The following MIR2052HG variants were observed in gnomAD, a reference collection of about 807,000 sequenced individuals.
MIR2052HG encodes MIR2052 host gene.
At chr8:74,754,710 AAGTT>A (rs113164489) in intron 5 of MIR2052HG, among the ~76,000 whole-genome samples, 15,137 of 151,720 alleles carry the variant, frequency 0.1, 1,652 homozygotes, top group African/African-American at 0.28. Context: ...GCACCCCTGA[AAGTT>A]AGACGCAAGG....
At chr8:74,643,075 C>T (rs1334000028) in intron 2 of MIR2052HG, among the ~76,000 whole-genome samples, 1 of 152,142 alleles carries the variant, frequency 6.6e-6, no homozygotes, top group Non-Finnish European at 1.5e-5. Flanking sequence ...CAGATAGACA[C>T]ATATGTCTGC....
At chr8:74,664,076 T>C (rs1808894342) in intron 2 of MIR2052HG, among the ~76,000 whole-genome samples, 3 of 151,558 alleles carry the variant, frequency 2.0e-5, no homozygotes, top group African/African-American at 7.3e-5. Context: ...AAGCTATGAG[T>C]AGGCAAAGGC....
At chr8:74,730,051 A>T (rs1230624889) in intron 4 of MIR2052HG, among the ~76,000 whole-genome samples, 2 of 152,190 alleles carry the variant, frequency 1.3e-5, no homozygotes, top group African/African-American at 4.8e-5. Flanking sequence ...ATAGATGAAG[A>T]TGAGCTGAGT....
intron 2 of MIR2052HG, among the ~76,000 whole-genome samples, chr8:74,688,694 C>T (rs547435923): frequency 5.1e-4 from 78 of 152,040 alleles, no homozygotes; most frequent in African/African-American, 1.8e-3. Flanking sequence ...TTTTGGGGAA[C>T]AGGTGGTATT....
chr8:74,629,691 T>C (rs1808482140), intron 2 of MIR2052HG, among the ~76,000 whole-genome samples: 1 of 152,050 alleles, frequency 6.6e-6, no homozygotes, highest in Non-Finnish European at 1.5e-5. Context: ...GGGTGGTGCA[T>C]TGGCCCAGTA....
chr8:74,741,627 C>T (rs184240177), intron 4 of MIR2052HG, among the ~76,000 whole-genome samples: 8 of 152,258 alleles, frequency 5.3e-5, no homozygotes, highest in Non-Finnish European at 1.0e-4. Context: ...CAAATTTCTG[C>T]TTCCTTTTTC....
At chr8:74,695,532 T>A (rs1357653059) in intron 2 of MIR2052HG, among the ~76,000 whole-genome samples, 1 of 152,072 alleles carries the variant, frequency 6.6e-6, no homozygotes, top group Non-Finnish European at 1.5e-5. Context: ...TAGATACAAA[T>A]TCACTAACCA....
At chr8:74,613,728 C>T (rs1808235109) in intron 2 of MIR2052HG, among the ~76,000 whole-genome samples, 1 of 152,196 alleles carries the variant, frequency 6.6e-6, no homozygotes, top group Admixed American at 6.5e-5. Context: ...CTCACGTGAT[C>T]CACCCGACTC....
chr8:74,669,255 T>A (rs976137146), intron 2 of MIR2052HG, among the ~76,000 whole-genome samples: 1 of 152,166 alleles, frequency 6.6e-6, no homozygotes, highest in Non-Finnish European at 1.5e-5. Context: ...CTAAGCAACC[T>A]TGACTTTGAT....
At chr8:74,613,647 G>T (rs374227210) in intron 2 of MIR2052HG, among the ~76,000 whole-genome samples, 3 of 152,052 alleles carry the variant, frequency 2.0e-5, no homozygotes, top group Non-Finnish European at 4.4e-5. Context: ...CACCACGCCC[G>T]GCTAATTTTT....
intron 1 of MIR2052HG, among the ~76,000 whole-genome samples, chr8:74,602,031 G>A (rs944867471): frequency 6.6e-6 from 1 of 152,240 alleles, no homozygotes; most frequent in Non-Finnish European, 1.5e-5. Flanking sequence ...ATCCTGAATA[G>A]GGTCTGGGTA....
chr8:74,720,657 C>T (rs1409730003), intron 4 of MIR2052HG, among the ~76,000 whole-genome samples: 1 of 152,038 alleles, frequency 6.6e-6, no homozygotes, highest in Non-Finnish European at 1.5e-5. Context: ...TATGCTAGAG[C>T]CTTGCCTTGA....
At chr8:74,713,795 AC>A (rs1308857567) in intron 4 of MIR2052HG, among the ~76,000 whole-genome samples, 1 of 152,196 alleles carries the variant, frequency 6.6e-6, no homozygotes, top group African/African-American at 2.4e-5. Flanking sequence ...TAACAAAAAA[AC>A]AAAATTTAAG....
intron 4 of MIR2052HG, among the ~76,000 whole-genome samples, chr8:74,709,888 A>G (rs1246645184): frequency 6.6e-6 from 1 of 152,086 alleles, no homozygotes. Flanking sequence ...TGCATATTTT[A>G]TTGGCAGTGG....
chr8:74,610,475 C>G (rs1808179286), intron 1 of MIR2052HG, among the ~76,000 whole-genome samples: 1 of 151,900 alleles, frequency 6.6e-6, no homozygotes, highest in Admixed American at 6.6e-5. Context: ...CAGTCCTTTT[C>G]TTTTTAATAG....
chr8:74,662,195 T>C (rs1328669022), intron 2 of MIR2052HG, among the ~76,000 whole-genome samples: 1 of 152,210 alleles, frequency 6.6e-6, no homozygotes, highest in Non-Finnish European at 1.5e-5. Flanking sequence ...TCAAAGGCTT[T>C]TTCAATGGTC....
At chr8:74,620,613 G>A (rs1720703827) in intron 2 of MIR2052HG, among the ~76,000 whole-genome samples, 1 of 152,280 alleles carries the variant, frequency 6.6e-6, no homozygotes, top group Admixed American at 6.5e-5. Flanking sequence ...GGCCTGAGCT[G>A]TATGCTGACC....
chr8:74,702,379 C>A (rs269198), exon 3 of MIR2052HG: 142,708 of 451,006 alleles, frequency 0.32, 25,702 homozygotes, highest in African/African-American at 0.6. Context: ...CCTTTGCCAG[C>A]TGAAGCTATG....
chr8:74,723,430 G>A (rs1172209432), intron 4 of MIR2052HG, among the ~76,000 whole-genome samples: 1 of 152,204 alleles, frequency 6.6e-6, no homozygotes, highest in Non-Finnish European at 1.5e-5. Context: ...GATGGAAAGA[G>A]CCAAGGCTTT....
Sources: allele counts gnomAD v4.1 joint callset (sites outside exome capture counted in the v4.1 genomes callset), GRCh38; gene constraint gnomAD v4.1.1; transcripts MANE v1.5; gene names NCBI Gene and HGNC (gene_info 2026-07-23, HGNC 2026-07-21).